LRRC49: variants seen among roughly 807,000 people sequenced by gnomAD.
The protein encoded by LRRC49 is leucine rich repeat containing 49, also known as leucine-rich repeat-containing protein 49.
In LRRC49, 50 loss-of-function variants were observed where a neutral mutation model predicts 83.3. The observed-to-expected ratio is 0.60, with a 90% CI of 0.48 to 0.76. The LOEUF is 0.76. Among genes scored for constraint, LRRC49 ranks in the 30% least tolerant of loss-of-function variants. The pLI, the probability that LRRC49 is intolerant of heterozygous loss-of-function variation, is 0.00. For missense variants in LRRC49, 704 were observed against 809.1 expected (o/e 0.87, Z 1.58); for synonymous variants, 286 against 283.3 (o/e 1.01, Z -0.10).
chr15:70,924,712 T>G (rs961316707), intron 7 of LRRC49, among the ~76,000 whole-genome samples: 1 of 152,026 alleles, frequency 6.6e-6, no homozygotes, highest in Non-Finnish European at 1.5e-5. Flanking sequence ...TCTCTGTCTA[T>G]CCTTCTTCCC....
intron 2 of LRRC49, chr15:70,881,375 C>T (rs2033260408): frequency 6.6e-6 from 1 of 152,134 alleles, no homozygotes; most frequent in African/African-American, 2.4e-5. Flanking sequence ...TTCCTTAAAG[C>T]AGACATAAAA....
chr15:70,883,058 T>C (rs2141084876), intron 2 of LRRC49: 1 of 691,612 alleles, frequency 1.4e-6, no homozygotes, highest in Admixed American at 3.2e-5. Context: ...GGTGAATCTA[T>C]AGTCCAACCT....
chr15:70,879,883 G>T (rs950270695), intron 2 of LRRC49, among the ~76,000 whole-genome samples: 1 of 152,122 alleles, frequency 6.6e-6, no homozygotes, highest in African/African-American at 2.4e-5. Context: ...GTAAGTTTAA[G>T]AAATAAATAC....
intron 3 of LRRC49, 129 bp downstream of exon 3, chr15:70,896,065 G>A: frequency 1.7e-6 from 1 of 589,364 alleles, no homozygotes. Flanking sequence ...GGACCAAATT[G>A]GTTTGGTATT....
rs2040007433 is a variant in LRRC49, at chr15:71,052,573, G to T, written c.*2961G>T. The T allele has an allele frequency of 6.6e-6, 1 of 152,116 alleles. No homozygotes were observed. The highest frequency in any genetic ancestry group is 1.5e-5 in the Non-Finnish European group (1 of 68,024). 9.4% of individuals were successfully genotyped at this position (152,116 alleles called of 1,614,324 possible). A position where few individuals can be genotyped will look rare whatever the true frequency, so the allele number is the denominator to read the frequency against. On this transcript the variant is annotated 3_prime_UTR_variant, in exon 16 of 16. Coordinates refer to ENST00000260382, the MANE Select transcript of LRRC49 (RefSeq NM_017691.5). ...ATGCTCCTGATCTATTCCTGATTGGGCAAGGAATGCACTGGGATTCATATT... is the reference window on the plus strand; with the variant it reads ...ATGCTCCTGATCTATTCCTGATTGGTCAAGGAATGCACTGGGATTCATATT...
At chr15:70,987,466 G>A (rs1166735186) in intron 11 of LRRC49, among the ~76,000 whole-genome samples, 1 of 152,152 alleles carries the variant, frequency 6.6e-6, no homozygotes, top group Non-Finnish European at 1.5e-5. Flanking sequence ...GTATTTCTGT[G>A]GGATCGGTGG....
At chr15:70,908,024 G>T (rs752051899) in intron 5 of LRRC49, 21 of 455,856 alleles carry the variant, frequency 4.6e-5, no homozygotes, top group Admixed American at 3.1e-4. Context: ...GTGTTGGGGG[G>T]TGGAAAGAGA....
intron 7 of LRRC49, among the ~76,000 whole-genome samples, chr15:70,933,526 C>G (rs1567058650): frequency 6.6e-6 from 1 of 152,148 alleles, no homozygotes; most frequent in Non-Finnish European, 1.5e-5. Context: ...TTATCCCTAA[C>G]CCCCATTTCC....
Position 70,947,834 on chromosome 15 carries a change from G to A in LRRC49, c.773+11012G>A, listed in dbSNP as rs191753585. 3.5e-3 allele frequency among the ~76,000 whole-genome samples: 535 copies of A among 152,206 alleles called. 3 individuals carry two copies. Among genetic ancestry groups the A allele is most frequent in the Non-Finnish European group, 4.5e-3 (306 of 67,996 alleles). On this transcript the variant is annotated intron_variant, in intron 8 of 15. Transcript: ENST00000260382. Reference sequence around the variant, plus strand: ...AGGTGCCCACTTGGAATGAATCGCCGCAGCCAGGGACATACAGGACATACT... The same window carrying A: ...AGGTGCCCACTTGGAATGAATCGCCACAGCCAGGGACATACAGGACATACT...
chr15:70,963,929 C>A lies in LRRC49; in HGVS notation c.918C>A (p.Ile306=). ...MQLRQLDMKR[I]TEEERRMASV... ...TGCGCCAGCTAGATATGAAGAGAAT[C>A]ACGGTGAGAACCCTTCCAAAGTGTT... is the stretch of plus-strand genomic sequence containing the variant. The change falls in exon 9 of 16, where the codon ATC becomes ATA. Residue 306 remains isoleucine, a synonymous_variant. Coordinates refer to ENST00000260382, the MANE Select transcript of LRRC49 (RefSeq NM_017691.5). 6.2e-7 allele frequency: 1 copy of A among 1,612,846 alleles called. No homozygotes were observed. The highest frequency in any genetic ancestry group is 1.1e-5 in the South Asian group (1 of 90,830).
chr15:70,868,321 C>G (rs918732033), intron 1 of LRRC49, among the ~76,000 whole-genome samples: 2 of 152,162 alleles, frequency 1.3e-5, no homozygotes, highest in African/African-American at 4.8e-5. Flanking sequence ...TTATGACATG[C>G]GCTTGGATAC....
chr15:70,889,196 TAGAC>T (rs948492749), upstream of LRRC49, among the ~76,000 whole-genome samples: 5 of 152,112 alleles, frequency 3.3e-5, no homozygotes, highest in Non-Finnish European at 7.4e-5. Context: ...TGTTCAACAA[TAGAC>T]AGACAAATTT....
At chr15:71,018,200 C>T (rs556514252) in intron 14 of LRRC49, among the ~76,000 whole-genome samples, 1 of 152,000 alleles carries the variant, frequency 6.6e-6, no homozygotes, top group South Asian at 2.1e-4. Context: ...AATATGTAGA[C>T]ATTAAAAATA....
At chr15:70,875,192 G>A (rs1379989711) in intron 2 of LRRC49, among the ~76,000 whole-genome samples, 2 of 152,050 alleles carry the variant, frequency 1.3e-5, no homozygotes, top group Non-Finnish European at 2.9e-5. Flanking sequence ...ATTCCAATTC[G>A]GCTGCCCAGC....
intron 2 of LRRC49, among the ~76,000 whole-genome samples, chr15:70,893,990 G>C (rs1210001375): frequency 6.6e-6 from 1 of 151,926 alleles, no homozygotes; most frequent in African/African-American, 2.4e-5. Flanking sequence ...TGCCTCCCAG[G>C]CTCAAGCGAT....
intron 11 of LRRC49, among the ~76,000 whole-genome samples, chr15:70,993,393 A>G (rs2037963467): frequency 6.6e-6 from 1 of 152,080 alleles, no homozygotes; most frequent in Non-Finnish European, 1.5e-5. Flanking sequence ...ACTGTCCTGC[A>G]CCCACTGTCC....
chr15:70,974,189 A>G (rs900519987), intron 9 of LRRC49, among the ~76,000 whole-genome samples: 4 of 152,218 alleles, frequency 2.6e-5, no homozygotes, highest in African/African-American at 9.6e-5. Context: ...ATTGGTCACT[A>G]GGAGGCAGCA....
chr15:70,936,709 A>T, intron 7 of LRRC49, 52 bp from the exon 8 acceptor site: 1 of 1,045,434 alleles, frequency 9.6e-7, no homozygotes. Context: ...GAAGACATTT[A>T]TAATATTTTT....
At chr15:70,991,912 GTAGT>G (rs2037895820) in intron 11 of LRRC49, among the ~76,000 whole-genome samples, 1 of 152,218 alleles carries the variant, frequency 6.6e-6, no homozygotes, top group Non-Finnish European at 1.5e-5. Flanking sequence ...GAAATTGTCT[GTAGT>G]TAGAGTCTAA....
Sources: allele counts gnomAD v4.1 joint callset (sites outside exome capture counted in the v4.1 genomes callset), GRCh38; gene constraint gnomAD v4.1.1; transcripts MANE v1.5; gene names NCBI Gene and HGNC (gene_info 2026-07-23, HGNC 2026-07-21).